The following STXBP4 variants were observed in gnomAD, a reference collection of about 807,000 sequenced individuals.
STXBP4 encodes syntaxin binding protein 4.
A neutral mutation model predicts 76.1 loss-of-function variants in STXBP4; 55 were observed. That is an observed-to-expected ratio of 0.72 (90% CI 0.58 to 0.91). STXBP4 has a LOEUF of 0.91. Among genes scored for constraint, STXBP4 ranks in the 40% least tolerant of loss-of-function variants. The pLI, the probability that STXBP4 is intolerant of heterozygous loss-of-function variation, is 0.00. For missense variants in STXBP4, 618 were observed against 636.9 expected, an observed-to-expected ratio of 0.97 and a Z score of 0.32; for synonymous variants, 201 against 220.2, an observed-to-expected ratio of 0.91 and a Z score of 0.77.
intron 4 of STXBP4, among the ~76,000 whole-genome samples, chr17:54,993,651 A>C (rs2077754069): frequency 6.6e-6 from 1 of 152,234 alleles, no homozygotes; most frequent in South Asian, 2.1e-4. Flanking sequence ...TTAACATGTT[A>C]ATAAATTTCT....
chr17:55,125,775 C>G (rs911426081), intron 16 of STXBP4, among the ~76,000 whole-genome samples: 1 of 152,132 alleles, frequency 6.6e-6, no homozygotes, highest in Non-Finnish European at 1.5e-5. Flanking sequence ...TTGCCTCACT[C>G]TACTCCAAAC....
chr17:55,163,518 C>T lies in STXBP4; in HGVS notation c.*3607C>T, dbSNP rs1453481326. On this transcript the variant is annotated 3_prime_UTR_variant, in exon 18 of 18. Coordinates refer to ENST00000376352, the MANE Select transcript of STXBP4 (RefSeq NM_178509.6). ...CTTCGAGTTCTTTGGGCCTCACTTT[C>T]CCTATCTGAATAATAAGGATAGTAA... 1 of 152,180 alleles carries T rather than the reference C, an allele frequency of 6.6e-6. No individual in the cohort carries two copies. The highest frequency in any genetic ancestry group is 1.5e-5 in the Non-Finnish European group (1 of 68,038). The allele number at this position is 152,180 out of a possible 1,614,324, so 9.4% of individuals were successfully genotyped here.
At chr17:55,008,889 A>G (rs953386050) in intron 8 of STXBP4, among the ~76,000 whole-genome samples, 1 of 152,178 alleles carries the variant, frequency 6.6e-6, no homozygotes, top group Non-Finnish European at 1.5e-5. Context: ...CTTGCACACC[A>G]AAGTGCCATA....
At chr17:55,199,631 A>T in the STXBP4 span, among the ~76,000 whole-genome samples, 2 of 152,338 alleles carry the variant, frequency 1.3e-5, no homozygotes, top group Non-Finnish European at 2.9e-5. Flanking sequence ...GAGTGGTAAT[A>T]ATCAGAATTT....
intron 12 of STXBP4, among the ~76,000 whole-genome samples, chr17:55,062,549 A>G (rs1199632532): frequency 6.7e-6 from 1 of 148,558 alleles, no homozygotes; most frequent in Non-Finnish European, 1.5e-5. Context: ...TACAATAAAC[A>G]TATGTGTGCA....
intron 1 of STXBP4, among the ~76,000 whole-genome samples, chr17:54,983,160 C>G (rs1240726934): frequency 1.3e-5 from 2 of 152,168 alleles, no homozygotes; most frequent in East Asian, 3.8e-4. Flanking sequence ...GTTACGCAGC[C>G]TTTCTCCATA....
chr17:55,124,569 C>G (rs244335), intron 16 of STXBP4, among the ~76,000 whole-genome samples: 97,029 of 152,058 alleles, frequency 0.64, 31,821 homozygotes, highest in African/African-American at 0.79. Context: ...TTTTGTTTTT[C>G]TGAGTTCAAC....
intron 12 of STXBP4, among the ~76,000 whole-genome samples, chr17:55,069,315 A>G (rs902505463): frequency 6.6e-6 from 1 of 152,122 alleles, no homozygotes; most frequent in Non-Finnish European, 1.5e-5. Flanking sequence ...CTAACCTTCT[A>G]AACTGAATTA....
intron 16 of STXBP4, among the ~76,000 whole-genome samples, chr17:55,126,813 G>A (rs2079917842): frequency 6.6e-6 from 1 of 152,144 alleles, no homozygotes; most frequent in Non-Finnish European, 1.5e-5. Flanking sequence ...TGGAAAAGCA[G>A]AGACGAAAAG....
At chr17:55,132,526 T>C (rs2079984171) in intron 16 of STXBP4, among the ~76,000 whole-genome samples, 1 of 152,130 alleles carries the variant, frequency 6.6e-6, no homozygotes, top group South Asian at 2.1e-4. Flanking sequence ...CATCTTTTTC[T>C]AAAGAACTCT....
chr17:54,999,316 TC>T, intron 4 of STXBP4, 28 bp from the exon 5 acceptor site: 1 of 1,546,328 alleles, frequency 6.5e-7, no homozygotes, highest in Non-Finnish European at 8.8e-7. Context: ...CCTCATTAGT[TC>T]CTTTATAAAT....
At chr17:55,118,274 CA>C (rs2079805577) in intron 16 of STXBP4, among the ~76,000 whole-genome samples, 1 of 151,870 alleles carries the variant, frequency 6.6e-6, no homozygotes, top group Non-Finnish European at 1.5e-5. Flanking sequence ...AGTCTGTCTT[CA>C]TAGTAAGATT....
At chr17:55,195,619 T>C in the STXBP4 span, among the ~76,000 whole-genome samples, 2 of 152,160 alleles carry the variant, frequency 1.3e-5, no homozygotes, top group Non-Finnish European at 2.9e-5. Context: ...CTAAATTTTT[T>C]ATTTTTATTT....
chr17:54,973,399 G>A (rs1323355769), intron 1 of STXBP4, among the ~76,000 whole-genome samples: 4 of 152,122 alleles, frequency 2.6e-5, no homozygotes, highest in African/African-American at 9.7e-5. Flanking sequence ...CATCATTAAC[G>A]TGGTTAGATG....
At chr17:55,199,735 A>G in the STXBP4 span, among the ~76,000 whole-genome samples, 1,620 of 152,304 alleles carry the variant, frequency 0.011, 25 homozygotes, top group African/African-American at 0.037. Flanking sequence ...ACCCAAGATG[A>G]AATTTTTGTT....
At chr17:55,012,553 C>T (rs1368591340) in intron 8 of STXBP4, among the ~76,000 whole-genome samples, 1 of 152,000 alleles carries the variant, frequency 6.6e-6, no homozygotes. Flanking sequence ...ATAGGTGTTC[C>T]CTCGGAAGTT....
chr17:55,194,172 G>A, the STXBP4 span, among the ~76,000 whole-genome samples: 2 of 152,102 alleles, frequency 1.3e-5, no homozygotes, highest in Non-Finnish European at 2.9e-5. Context: ...ACAGAAAAAG[G>A]TCATACAACT....
chr17:55,077,967 G>T (rs1037666081), intron 13 of STXBP4, 111 bp from the exon 14 acceptor site: 1 of 685,586 alleles, frequency 1.5e-6, no homozygotes, highest in Non-Finnish European at 2.4e-6. Context: ...TACAGTAAGA[G>T]AAAAAGATAA....
chr17:55,033,353 G>A lies in STXBP4; in HGVS notation c.764-815G>A, dbSNP rs186337126. On this transcript the variant is annotated intron_variant, in intron 9 of 17. Coordinates refer to ENST00000376352, the MANE Select transcript of STXBP4 (RefSeq NM_178509.6). The stretch of plus-strand genomic sequence containing the variant: ...CGTGCCACTGCACTCCAGCCTGGGT[G>A]ACAGAGTGAGACTCCATCTCAAAAA... Among the ~76,000 whole-genome samples the A allele has an allele frequency of 3.2e-3, 480 of 152,092 alleles. 12 individuals carry two copies. Among genetic ancestry groups the A allele is most frequent in the East Asian group, 0.025 (131 of 5,170 alleles).
Sources: allele counts gnomAD v4.1 joint callset (sites outside exome capture counted in the v4.1 genomes callset), GRCh38; gene constraint gnomAD v4.1.1; transcripts MANE v1.5; gene names NCBI Gene and HGNC (gene_info 2026-07-23, HGNC 2026-07-21).